The following TLN2 variants were observed in gnomAD, a reference collection of about 807,000 sequenced individuals.
TLN2 encodes the protein talin 2.
In TLN2, 118 loss-of-function variants were observed where a neutral mutation model predicts 294.7. The ratio of observed to expected loss-of-function variants is 0.40; its 90% CI spans 0.34 to 0.47. TLN2 has a LOEUF of 0.47. Ranked by LOEUF, TLN2 falls within the 20% of genes least tolerant of loss-of-function variation. The pLI is 0.84. For synonymous variants in TLN2, 1,431 were observed against 1,304.5 expected (o/e 1.10, Z -2.09); for missense variants, 3,083 against 3,282.2 (o/e 0.94, Z 1.48).
intron 1 of TLN2, among the ~76,000 whole-genome samples, chr15:62,488,915 C>G (rs867002187): frequency 4.6e-5 from 7 of 152,206 alleles, no homozygotes; most frequent in Admixed American, 2.0e-4. Context: ...GTAATCGCAG[C>G]ACTTTGGGAG....
chr15:62,831,473 AT>A (rs2068838628), intron 54 of TLN2: 1 of 149,860 alleles, frequency 6.7e-6, no homozygotes, highest in African/African-American at 2.5e-5. Context: ...AATATACATT[AT>A]TTATATATTT....
At chr15:62,395,894 G>A (rs1356301739) in intron 1 of TLN2, among the ~76,000 whole-genome samples, 1 of 152,006 alleles carries the variant, frequency 6.6e-6, no homozygotes, top group African/African-American at 2.4e-5. Flanking sequence ...GGACTGCAGT[G>A]GCTTGATGTG....
At chr15:62,635,954 G>A (rs1435017482) in intron 3 of TLN2, among the ~76,000 whole-genome samples, 3 of 152,046 alleles carry the variant, frequency 2.0e-5, no homozygotes, top group Non-Finnish European at 4.4e-5. Context: ...GGCCTTGGTC[G>A]AGTTCACATG....
intron 1 of TLN2, among the ~76,000 whole-genome samples, chr15:62,574,335 G>A (rs1436353398): frequency 6.6e-6 from 1 of 151,712 alleles, no homozygotes; most frequent in African/African-American, 2.4e-5. Flanking sequence ...CAGTGCTTTG[G>A]GAGGCTGAGG....
chr15:62,611,259 A>G (rs190396364), intron 2 of TLN2, among the ~76,000 whole-genome samples: 96 of 152,352 alleles, frequency 6.3e-4, no homozygotes, highest in African/African-American at 2.2e-3. Context: ...CAATGATTGA[A>G]AAAAACTGGC....
intron 40 of TLN2, 39 bp from the exon 41 acceptor site, chr15:62,766,282 G>A (rs1347328998): frequency 6.4e-7 from 1 of 1,565,626 alleles, no homozygotes; most frequent in Non-Finnish European, 8.8e-7. Flanking sequence ...TCTGTGGGGA[G>A]CTGTTATGGG....
intron 1 of TLN2, among the ~76,000 whole-genome samples, chr15:62,582,159 A>G (rs1171444447): frequency 6.8e-6 from 1 of 146,710 alleles, no homozygotes; most frequent in Non-Finnish European, 1.5e-5. Context: ...ATGATCATAG[A>G]ATCAGCCAGC....
intron 3 of TLN2, among the ~76,000 whole-genome samples, chr15:62,622,522 C>T (rs879807308): frequency 6.6e-6 from 1 of 152,096 alleles, no homozygotes. Flanking sequence ...ATGAAGGGGA[C>T]ACAGAGACAG....
chr15:62,470,115 G>A (rs553978796), intron 1 of TLN2, among the ~76,000 whole-genome samples: 1 of 152,298 alleles, frequency 6.6e-6, no homozygotes, highest in East Asian at 1.9e-4. Flanking sequence ...AACTAACATG[G>A]GAACAAAATG....
chr15:62,726,000 G>T (rs558985532), intron 27 of TLN2, among the ~76,000 whole-genome samples: 2 of 152,242 alleles, frequency 1.3e-5, no homozygotes, highest in Admixed American at 6.5e-5. Flanking sequence ...AGAAACTCAG[G>T]CTCAGAGAGG....
chr15:62,753,935 G>T lies in TLN2; in HGVS notation c.4476+19G>T. Reference sequence around the variant, plus strand: ...ATCACAGGTAACTGTTGGGGAGGATGTAAGATTTCAAGCCCTTAAGCAGCT... The same window carrying T: ...ATCACAGGTAACTGTTGGGGAGGATTTAAGATTTCAAGCCCTTAAGCAGCT... On this transcript the variant is annotated intron_variant, in intron 36 of 58. Transcript: ENST00000636159. 1.9e-6 allele frequency: 3 copies of T among 1,562,206 alleles called. No homozygotes were observed. Among genetic ancestry groups the T allele is most frequent in the Non-Finnish European group, 2.6e-6 (3 of 1,152,602 alleles).
chr15:62,565,833 G>T (rs1299237661), intron 1 of TLN2, among the ~76,000 whole-genome samples: 4 of 152,176 alleles, frequency 2.6e-5, no homozygotes. Flanking sequence ...AGGATAGACA[G>T]AGAAACTGGC....
At chr15:62,435,343 C>T (rs904862326) in intron 1 of TLN2, among the ~76,000 whole-genome samples, 1 of 152,202 alleles carries the variant, frequency 6.6e-6, no homozygotes, top group Non-Finnish European at 1.5e-5. Flanking sequence ...AATTGCCACA[C>T]TATCTTCCGC....
chr15:62,773,757 C>A (rs1293306027), intron 42 of TLN2, among the ~76,000 whole-genome samples: 2 of 152,150 alleles, frequency 1.3e-5, no homozygotes, highest in African/African-American at 4.8e-5. Context: ...CTGCCTCTCA[C>A]GAGTAAATTA....
chr15:62,471,181 C>CA (rs2037451330), intron 1 of TLN2, among the ~76,000 whole-genome samples: 1 of 152,102 alleles, frequency 6.6e-6, no homozygotes, highest in African/African-American at 2.4e-5. Context: ...TCTGCCTCTA[C>CA]AAAAAATTAG....
rs138920228 is a variant in TLN2 at position 62,537,823 on chromosome 15, C to G, written c.-237-51864C>G. 3.9e-5 allele frequency among the ~76,000 whole-genome samples: 6 copies of G among 152,178 alleles called. No individual in the cohort carries two copies. The South Asian group carries it at 1.2e-3, about 32-fold the overall frequency. The stretch of plus-strand genomic sequence containing the variant: ...TCTGGTCTCAATAGCCCAGTTCAAG[C>G]ATCTAAACAGGGCATCCTTTCCTTT... On this transcript the variant is annotated intron_variant, in intron 1 of 58. Coordinates refer to ENST00000636159, the MANE Select transcript of TLN2 (RefSeq NM_015059.3).
At chr15:62,665,799 C>T (rs763098677) in intron 9 of TLN2, among the ~76,000 whole-genome samples, 22 of 152,184 alleles carry the variant, frequency 1.4e-4, no homozygotes, top group Non-Finnish European at 2.2e-4. Flanking sequence ...ACATATTCCT[C>T]CTTTGGAGTT....
intron 25 of TLN2, among the ~76,000 whole-genome samples, chr15:62,721,552 T>C (rs1412438281): frequency 1.3e-5 from 2 of 152,112 alleles, no homozygotes; most frequent in East Asian, 1.9e-4. Flanking sequence ...CCTTAATATT[T>C]ATGATCTGGC....
intron 1 of TLN2, among the ~76,000 whole-genome samples, chr15:62,571,464 C>T (rs2043852926): frequency 6.6e-6 from 1 of 152,228 alleles, no homozygotes; most frequent in African/African-American, 2.4e-5. Flanking sequence ...TCCGTCTACC[C>T]TTAAAACCTT....
Sources: gnomAD v4.1 joint callset for allele counts (sites outside exome capture counted in the v4.1 genomes callset) on GRCh38, gnomAD v4.1.1 for gene constraint, MANE v1.5 for transcripts, NCBI Gene and HGNC (gene_info 2026-07-23, HGNC 2026-07-21) for gene names.